Variants in USP45 observed in about 807,000 individuals in gnomAD.
The protein encoded by USP45 is ubiquitin carboxyl-terminal hydrolase 45.
A neutral mutation model predicts 95.8 loss-of-function variants in USP45; 89 were observed. The ratio of observed to expected loss-of-function variants is 0.93; its 90% CI spans 0.78 to 1.11. USP45 has a LOEUF of 1.11. USP45 is among the 50% of genes least tolerant of loss of function. The pLI, the probability that USP45 is intolerant of heterozygous loss-of-function variation, is 0.00. For synonymous variants in USP45, 281 were observed against 316.2 expected, an observed-to-expected ratio of 0.89 and a Z score of 1.18; for missense variants, 898 against 942.5, an observed-to-expected ratio of 0.95 and a Z score of 0.62.
At chr6:99,459,498 C>T (rs1361213998) in intron 13 of USP45, among the ~76,000 whole-genome samples, 1 of 152,112 alleles carries the variant, frequency 6.6e-6, no homozygotes, top group Non-Finnish European at 1.5e-5. Flanking sequence ...CAGGTATATA[C>T]CCAGTAATGG....
intron 1 of USP45, among the ~76,000 whole-genome samples, chr6:99,511,293 A>T (rs1799723075): frequency 6.6e-6 from 1 of 152,040 alleles, no homozygotes; most frequent in Non-Finnish European, 1.5e-5. Flanking sequence ...CTGGGATTAC[A>T]GGCGTGTGCC....
chr6:99,458,300 T>G (rs922898057), intron 13 of USP45, among the ~76,000 whole-genome samples: 1 of 152,192 alleles, frequency 6.6e-6, no homozygotes, highest in African/African-American at 2.4e-5. Context: ...ATTACAGGCG[T>G]GAGCCACCGC....
rs1488597200 is a variant in USP45, at chr6:99,515,391, C to A, written c.-11+1G>T. On this transcript the variant is annotated splice_donor_variant, in intron 1 of 17. Transcript: ENST00000500704. LOFTEE classifies it low-confidence loss of function (5UTR_SPLICE). ...ACCAAAGCGCCGCGTTCTCAACTCA[C>A]CCCGCCGGGCCGGGCCGCAGCGTCT... 1.3e-5 allele frequency: 2 copies of A among 152,268 alleles called. No homozygotes were observed. The highest frequency in any genetic ancestry group is 1.3e-4 in the Admixed American group (2 of 15,292). The allele number at this position is 152,268 out of a possible 1,614,324, so 9.4% of individuals were successfully genotyped here.
chr6:99,510,086 CA>C, intron 2 of USP45, 34 bp downstream of exon 2: 1 of 1,485,360 alleles, frequency 6.7e-7, no homozygotes, highest in Non-Finnish European at 9.4e-7. Flanking sequence ...TATTTCTTCT[CA>C]ACACTATTTG....
chr6:99,470,606 T>C (rs2128650542), intron 9 of USP45, among the ~76,000 whole-genome samples: 1 of 152,228 alleles, frequency 6.6e-6, no homozygotes, highest in Admixed American at 6.5e-5. Context: ...AATCAAACAA[T>C]AAAATGTCTC....
At position 99,511,843 on chromosome 6, in the gene USP45, GTGTATA is replaced by G. The variant is rs1300797883; in HGVS notation, c.-10-1619_-10-1614del. Among the ~76,000 whole-genome samples, 51 of 4,978 alleles carry G rather than the reference GTGTATA, an allele frequency of 0.01. No individual in the cohort carries two copies. The East Asian group carries it at 0.15, about 15-fold the overall frequency. 3.3% of individuals were successfully genotyped at this position (4,978 alleles called of 152,430 possible). Reference sequence around the variant, plus strand: ...GAGACACATATATGTATGTGAGTGTGTGTATATATATATATATATATATATATATAT... The same window carrying G: ...GAGACACATATATGTATGTGAGTGTGTATATATATATATATATATATATAT... On this transcript the variant is annotated intron_variant, in intron 1 of 17. Coordinates refer to ENST00000500704, the MANE Select transcript of USP45 (RefSeq NM_001346022.3).
intron 9 of USP45, among the ~76,000 whole-genome samples, chr6:99,474,752 A>G (rs1046165803): frequency 2.0e-5 from 3 of 152,224 alleles, no homozygotes; most frequent in Non-Finnish European, 4.4e-5. Context: ...ACGATCAGCA[A>G]TGTCTTCTAT....
intron 12 of USP45, 78 bp from the exon 13 acceptor site, chr6:99,464,825 C>CT (rs373387411): frequency 3.5e-6 from 5 of 1,434,656 alleles, no homozygotes; most frequent in African/African-American, 2.9e-5. Context: ...AAATTTTTGA[C>CT]TGACTTGAAA....
upstream of USP45, among the ~76,000 whole-genome samples, chr6:99,516,379 C>T (rs953190723): frequency 3.3e-5 from 5 of 152,218 alleles, no homozygotes; most frequent in African/African-American, 1.2e-4. Context: ...TTTCACAACT[C>T]TTCAGCCAAG....
chr6:99,475,507 G>T (rs577572374), intron 9 of USP45, among the ~76,000 whole-genome samples: 1 of 151,922 alleles, frequency 6.6e-6, no homozygotes, highest in African/African-American at 2.4e-5. Context: ...GTAGAGACAG[G>T]GTTTCAGCAT....
chr6:99,467,680 G>A (rs1436119001), intron 10 of USP45, among the ~76,000 whole-genome samples: 2 of 151,996 alleles, frequency 1.3e-5, no homozygotes, highest in South Asian at 2.1e-4. Context: ...GAAGAAAAAC[G>A]GGGCTGTTAT....
chr6:99,487,633 C>CAAAAAAAAAAAAAAAAAAA (rs11335830), intron 7 of USP45, among the ~76,000 whole-genome samples: 2 of 106,390 alleles, frequency 1.9e-5, no homozygotes, highest in Non-Finnish European at 1.9e-5. Flanking sequence ...ACTAAAAATA[C>CAAAAAAAAAAAAAAAAAAA]AAAAAAAAAA....
intron 9 of USP45, among the ~76,000 whole-genome samples, chr6:99,474,104 G>A (rs1790202361): frequency 6.6e-6 from 1 of 152,140 alleles, no homozygotes; most frequent in Non-Finnish European, 1.5e-5. Context: ...TACTTTTAAA[G>A]GAAACTTTAA....
intron 9 of USP45, among the ~76,000 whole-genome samples, chr6:99,470,733 T>C (rs1278696660): frequency 6.6e-6 from 1 of 152,178 alleles, no homozygotes; most frequent in Non-Finnish European, 1.5e-5. Flanking sequence ...AAAAAGAATT[T>C]ATTGAACTAA....
At chr6:99,447,165 C>T (rs144135461) in intron 13 of USP45, among the ~76,000 whole-genome samples, 6 of 151,968 alleles carry the variant, frequency 3.9e-5, no homozygotes, top group East Asian at 1.9e-4. Context: ...AAGAAAATTA[C>T]GGGAAAAAAA....
intron 5 of USP45, among the ~76,000 whole-genome samples, chr6:99,503,111 A>C (rs1797748016): frequency 6.6e-6 from 1 of 152,180 alleles, no homozygotes; most frequent in Admixed American, 6.5e-5. Flanking sequence ...TCTAGGCCTC[A>C]CAGTAACTCC....
intron 13 of USP45, among the ~76,000 whole-genome samples, chr6:99,456,476 T>C (rs555774677): frequency 6.6e-6 from 1 of 152,324 alleles, no homozygotes; most frequent in African/African-American, 2.4e-5. Flanking sequence ...GCTGAAGCCA[T>C]GGCAGAAGAA....
At chr6:99,482,630 G>C in intron 8 of USP45, 123 bp downstream of exon 8, 1 of 934,610 alleles carries the variant, frequency 1.1e-6, no homozygotes, top group East Asian at 2.7e-5. Context: ...ACAAATTTTA[G>C]TTCTCTTCAT....
chr6:99,487,840 C>T (rs543534322), intron 7 of USP45, among the ~76,000 whole-genome samples: 1 of 151,918 alleles, frequency 6.6e-6, no homozygotes, highest in Non-Finnish European at 1.5e-5. Flanking sequence ...AAAATTTCAT[C>T]TTTCTTTAAA....
Sources: allele counts gnomAD v4.1 joint callset (sites outside exome capture counted in the v4.1 genomes callset), GRCh38; gene constraint gnomAD v4.1.1; transcripts MANE v1.5; gene names NCBI Gene and HGNC (gene_info 2026-07-23, HGNC 2026-07-21).